GIP: variants seen among roughly 807,000 people sequenced by gnomAD.
GIP encodes the protein gastric inhibitory polypeptide, also known as glucose-dependent insulinotropic polypeptide.
In GIP, 16 loss-of-function variants were observed where a neutral mutation model predicts 18.1. That is an observed-to-expected ratio of 0.88 (90% CI 0.60 to 1.34). GIP has a LOEUF of 1.34. Ranked by LOEUF, GIP falls within the 40% of genes most tolerant of loss-of-function variation. The pLI is 0.00. For missense variants in GIP, 192 were observed against 183.4 expected (o/e 1.05, Z -0.27); for synonymous variants, 76 against 74.0 (o/e 1.03, Z -0.14).
Position 48,958,659 on chromosome 17 carries a change from G to A in GIP, c.*48C>T, listed in dbSNP as rs369294822. 5.3e-6 allele frequency: 8 copies of A among 1,511,052 alleles called. No homozygotes were observed. The highest frequency in any genetic ancestry group is 4.1e-5 in the African/African-American group (3 of 72,590). 93.6% of individuals were successfully genotyped at this position (1,511,052 alleles called of 1,614,324 possible). A position where few individuals can be genotyped will look rare whatever the true frequency, so the allele number is the denominator to read the frequency against. ...CTATTCTGGAGTGGGGCTGAGGCAG[G>A]TGCTAAGTGAAGGGCAGAATCCAGT... On this transcript the variant is annotated 3_prime_UTR_variant, in exon 6 of 6. Transcript: ENST00000357424.
intron 2 of GIP, 54 bp downstream of exon 2, chr17:48,967,093 C>G: frequency 7.7e-7 from 1 of 1,305,314 alleles, no homozygotes; most frequent in Non-Finnish European, 1.1e-6. Flanking sequence ...AATCCAGAAC[C>G]TGTCATCCCC....
At chr17:48,967,768 C>T (rs1192940758) in intron 1 of GIP, among the ~76,000 whole-genome samples, 2 of 151,418 alleles carry the variant, frequency 1.3e-5, no homozygotes, top group Non-Finnish European at 2.9e-5. Context: ...AAAGATGGAC[C>T]AGGCTGGGTG....
intron 5 of GIP, among the ~76,000 whole-genome samples, chr17:48,958,967 G>T (rs2041184366): frequency 6.6e-6 from 1 of 150,518 alleles, no homozygotes; most frequent in Admixed American, 6.7e-5. Flanking sequence ...CCATTCTCCT[G>T]CCTCAGCCTC....
In GIP at chr17:48,968,506, A is replaced by G. The variant is rs2041247153; in HGVS notation, c.-22+11T>C. On this transcript the variant is annotated intron_variant, in intron 1 of 5. Coordinates refer to ENST00000357424, the MANE Select transcript of GIP (RefSeq NM_004123.3). ...GGTCATCTCATCCATCCCTGTCTCCACTTCTCTTACCAGACTTCCTTTCCA... is the reference window on the plus strand; with the variant it reads ...GGTCATCTCATCCATCCCTGTCTCCGCTTCTCTTACCAGACTTCCTTTCCA... 6.6e-6 allele frequency: 1 copy of G among 152,062 alleles called. No individual in the cohort carries two copies. The highest frequency in any genetic ancestry group is 1.5e-5 in the Non-Finnish European group (1 of 68,050). The allele number at this position is 152,062 out of a possible 1,614,324, so 9.4% of individuals were successfully genotyped here.
At chr17:48,966,572 AAAAAG>A (rs1236446133) in intron 2 of GIP, among the ~76,000 whole-genome samples, 4 of 151,826 alleles carry the variant, frequency 2.6e-5, no homozygotes, top group African/African-American at 4.8e-5. Context: ...AAAAAAAAAG[AAAAAG>A]AAAAGAATAG....
At position 48,964,307 on chromosome 17, in the gene GIP, C is replaced by A; in HGVS notation, c.257+3G>T. On this transcript the variant is annotated splice_donor_region_variant and intron_variant, in intron 3 of 5. Coordinates refer to ENST00000357424, the MANE Select transcript of GIP (RefSeq NM_004123.3). ...AACAGGAGGAGTGTAAGCAGCGACT[C>A]ACTCATTCTTCTTCCCCTTTTGGGC... 6.2e-7 allele frequency: 1 copy of A among 1,612,180 alleles called. No individual in the cohort carries two copies. The highest frequency in any genetic ancestry group is 1.1e-5 in the South Asian group (1 of 90,984).
intron 1 of GIP, among the ~76,000 whole-genome samples, chr17:48,968,072 AC>A (rs2041244971): frequency 6.6e-6 from 1 of 151,498 alleles, no homozygotes; most frequent in Non-Finnish European, 1.5e-5. Context: ...AATAAAGGAA[AC>A]ATCAGCGCTA....
At chr17:48,967,476 C>T (rs1389245869) in intron 1 of GIP, among the ~76,000 whole-genome samples, 1 of 151,288 alleles carries the variant, frequency 6.6e-6, no homozygotes, top group Non-Finnish European at 1.5e-5. Context: ...TCTTCTGCCT[C>T]AGCCTCTCGA....
intron 2 of GIP, among the ~76,000 whole-genome samples, chr17:48,966,678 A>G (rs1298151549): frequency 2.6e-5 from 4 of 151,990 alleles, no homozygotes; most frequent in Non-Finnish European, 4.4e-5. Context: ...GTGGTGGTAC[A>G]TGCCTGTGGT....
At chr17:48,962,683 T>A (rs2041207255) in intron 3 of GIP, among the ~76,000 whole-genome samples, 1 of 152,100 alleles carries the variant, frequency 6.6e-6, no homozygotes, top group African/African-American at 2.4e-5. Context: ...AATCCTGTTT[T>A]CAAAGTCTAA....
chr17:48,963,862 A>AAAAGAG (rs1168878456), intron 3 of GIP, among the ~76,000 whole-genome samples: 1 of 136,698 alleles, frequency 7.3e-6, no homozygotes, highest in Admixed American at 7.2e-5. Flanking sequence ...AAAAAAAAAA[A>AAAAGAG]AGAGAGAGAG....
At chr17:48,962,650 AGCTACTGGGCCTGGCCCT>A (rs2041206975) in intron 3 of GIP, among the ~76,000 whole-genome samples, 1 of 151,952 alleles carries the variant, frequency 6.6e-6, no homozygotes, top group Non-Finnish European at 1.5e-5. Context: ...TACAGGTGTG[AGCTACTGGGCCTGGCCCT>A]AGCCAATCCT....
intron 2 of GIP, among the ~76,000 whole-genome samples, chr17:48,964,996 A>G (rs1326160828): frequency 1.6e-4 from 25 of 151,586 alleles, no homozygotes; most frequent in African/African-American, 4.1e-4. Flanking sequence ...AAAATTAGCC[A>G]GGCATGGTGG....
Position 48,964,357 on chromosome 17 carries a change from T to A in GIP, c.210A>T (p.Gln70His). 1 of 1,613,824 alleles carries A rather than the reference T, an allele frequency of 6.2e-7. No individual in the cohort carries two copies. Among genetic ancestry groups the A allele is most frequent in the Non-Finnish European group, 8.5e-7 (1 of 1,179,858 alleles). Residue 70 changes from glutamine (Q) to histidine (H), a missense_variant, in exon 3 of 6, where the codon CAA (glutamine) becomes CAT (histidine). Coordinates refer to ENST00000357424, the MANE Select transcript of GIP (RefSeq NM_004123.3). ...CCAGCAGCCAGTTCACAAAGTCTTG[T>A]TGGTGAATCTTGTCCATGGCAATAC... is the stretch of plus-strand genomic sequence containing the variant. ...DYSIAMDKIH[Q>H]QDFVNWLLAQ...
intron 3 of GIP, among the ~76,000 whole-genome samples, chr17:48,963,841 C>CAAAAAAAAAAAAAAAA (rs60257330): frequency 5.6e-5 from 2 of 35,870 alleles, no homozygotes; most frequent in African/African-American, 3.4e-4. Flanking sequence ...AACTCTGTCT[C>CAAAAAAAAAAAAAAAA]AAAAAAAAAA....
At chr17:48,964,269 G>GTT (rs1246304686) in intron 3 of GIP, 41 bp downstream of exon 3, 1 of 1,556,894 alleles carries the variant, frequency 6.4e-7, no homozygotes, top group African/African-American at 1.3e-5. Flanking sequence ...GGAAGGCAGA[G>GTT]CCCGGCACAG....
chr17:48,963,704 C>T (rs999693571), intron 3 of GIP, among the ~76,000 whole-genome samples: 2 of 151,208 alleles, frequency 1.3e-5, no homozygotes, highest in Non-Finnish European at 2.9e-5. Context: ...CGTGGTGGCA[C>T]ATGCCTGTAA....
intron 2 of GIP, among the ~76,000 whole-genome samples, chr17:48,965,975 A>T (rs970335949): frequency 4.6e-5 from 7 of 152,084 alleles, no homozygotes; most frequent in Non-Finnish European, 1.0e-4. Flanking sequence ...TCTACATGAT[A>T]CAGGCCAGGC....
chr17:48,966,805 CAAAAAAAGAAAAAAG>C (rs2041238267), intron 2 of GIP, among the ~76,000 whole-genome samples: 1 of 149,584 alleles, frequency 6.7e-6, no homozygotes, highest in African/African-American at 2.5e-5. Context: ...GATCCTGTCT[CAAAAAAAGAAAAAAG>C]AAAAAAAGAA....
Sources: gnomAD v4.1 joint callset for allele counts (sites outside exome capture counted in the v4.1 genomes callset) on GRCh38, gnomAD v4.1.1 for gene constraint, MANE v1.5 for transcripts, NCBI Gene and HGNC (gene_info 2026-07-23, HGNC 2026-07-21) for gene names.